Variants in NRXN2 observed in about 807,000 individuals in gnomAD.
NRXN2 encodes the protein neurexin-2-beta.
Under a neutral mutation model 128.8 loss-of-function variants are expected in NRXN2, and 29 were observed. That is an observed-to-expected ratio of 0.23 (90% confidence interval 0.17 to 0.31). NRXN2 has a LOEUF of 0.31. Among genes scored for constraint, NRXN2 ranks in the 10% least tolerant of loss-of-function variants. The probability of loss-of-function intolerance (pLI) is 1.00; values close to 1 mark genes in which losing one functional copy is unlikely to be tolerated. For missense variants in NRXN2, 1,881 were observed against 2,452.6 expected (o/e 0.77, Z 4.92); for synonymous variants, 1,098 against 1,075.2 (o/e 1.02, Z -0.41).
chr11:64,627,588 A>G (rs1384866283), intron 19 of NRXN2, among the ~76,000 whole-genome samples: 1 of 149,482 alleles, frequency 6.7e-6, no homozygotes, highest in African/African-American at 2.5e-5. Flanking sequence ...CTGGATACCC[A>G]CCTGTTCCTC....
chr11:64,627,340 C>A (rs1407597607), intron 19 of NRXN2, among the ~76,000 whole-genome samples: 1 of 151,724 alleles, frequency 6.6e-6, no homozygotes, highest in Non-Finnish European at 1.5e-5. Flanking sequence ...CAGCAGCCCC[C>A]TTCCCCTTCT....
rs547593163 is a variant in NRXN2 at position 64,660,713 on chromosome 11, GAT to G, written c.2185+38_2185+39del. 9.3e-4 allele frequency: 1,490 copies of G among 1,605,280 alleles called. 2 individuals carry two copies. Among genetic ancestry groups the G allele is most frequent in the Non-Finnish European group, 1.2e-3 (1,434 of 1,179,898 alleles). On this transcript the variant is annotated intron_variant, in intron 10 of 22. Transcript: ENST00000265459. This position sits in a 1 kb window ranked among gnomAD's most constrained non-coding sequence, Gnocchi z 5.2. Reference sequence around the variant, plus strand: ...TCACCCTGAGAAGGAGGAGCACAGGGATAGGGAGCAGGGACACCTAGGATGAA... The same window carrying G: ...TCACCCTGAGAAGGAGGAGCACAGGGAGGGAGCAGGGACACCTAGGATGAA...
chr11:64,673,834 T>G (rs1357372007), intron 7 of NRXN2, among the ~76,000 whole-genome samples: 2 of 152,072 alleles, frequency 1.3e-5, no homozygotes, highest in African/African-American at 4.8e-5. Flanking sequence ...AGCTCAGCAG[T>G]TCGAGACCAG....
chr11:64,713,785 C>CGCTCCCCGCGCTGAGCGGG lies in NRXN2; in HGVS notation c.-105_-87dup. 1 of 761,186 alleles carries CGCTCCCCGCGCTGAGCGGG rather than the reference C, an allele frequency of 1.3e-6. No homozygotes were observed. Among genetic ancestry groups the CGCTCCCCGCGCTGAGCGGG allele is most frequent in the East Asian group, 1.2e-4 (1 of 8,490 alleles). The allele number at this position is 761,186 out of a possible 1,614,324, so 47.2% of individuals were successfully genotyped here. ...GCGCATGGGGCGGGAGGGGGCCGGG[C>CGCTCCCCGCGCTGAGCGGG]GCTCCCCGCGCTGAGCGGGGCTCCC... On this transcript the variant is annotated 5_prime_UTR_variant, in exon 2 of 23. Coordinates refer to ENST00000265459, the MANE Select transcript of NRXN2 (RefSeq NM_015080.4).
chr11:64,699,554 C>T (rs1249661390), intron 2 of NRXN2, among the ~76,000 whole-genome samples: 1 of 151,478 alleles, frequency 6.6e-6, no homozygotes, highest in African/African-American at 2.4e-5. Flanking sequence ...CCTCAGCCTC[C>T]GGCATGCGCT....
In NRXN2 at chr11:64,653,607, T is replaced by C. The variant is rs2047803427; in HGVS notation, c.2416+89A>G. ...CCCATTCGAGCCAGCAATCACGGCT[T>C]CTCTTCCTCCCAGCCTCCCTCCCTA... On this transcript the variant is annotated intron_variant, in intron 12 of 22. Coordinates refer to ENST00000265459, the MANE Select transcript of NRXN2 (RefSeq NM_015080.4). 8 of 1,307,316 alleles carry C rather than the reference T, an allele frequency of 6.1e-6. No homozygotes were observed. The East Asian group carries it at 1.9e-4, about 32-fold the overall frequency. The allele number at this position is 1,307,316 out of a possible 1,614,324, so 81.0% of individuals were successfully genotyped here.
intron 2 of NRXN2, among the ~76,000 whole-genome samples, chr11:64,702,991 A>AAAAG (rs1284159866): frequency 4.0e-5 from 6 of 149,998 alleles, no homozygotes; most frequent in Admixed American, 1.3e-4. Context: ...AAAAAAAAAA[A>AAAAG]AAAGAAAGAA....
chr11:64,648,168 G>C lies in NRXN2; in HGVS notation c.3403+51C>G. 6.2e-7 allele frequency: 1 copy of C among 1,613,430 alleles called. No individual in the cohort carries two copies. The highest frequency in any genetic ancestry group is 8.5e-7 in the Non-Finnish European group (1 of 1,179,804). On this transcript the variant is annotated intron_variant, in intron 17 of 22. Transcript: ENST00000265459. This position sits in a 1 kb window ranked among gnomAD's most constrained non-coding sequence, Gnocchi z 4.1. The stretch of plus-strand genomic sequence containing the variant: ...TCCTCCCTGGCAGCCCCTATGGCTG[G>C]GAATGGACCCTGGTCTCCCCAAACT...
chr11:64,645,521 G>A (rs887805640), intron 17 of NRXN2, among the ~76,000 whole-genome samples: 4 of 151,980 alleles, frequency 2.6e-5, no homozygotes, highest in Admixed American at 1.3e-4. Flanking sequence ...GGAACACCTC[G>A]GTCCCAAATC....
chr11:64,678,491 C>G (rs192145482), intron 6 of NRXN2, among the ~76,000 whole-genome samples: 35 of 152,174 alleles, frequency 2.3e-4, no homozygotes, highest in Admixed American at 1.7e-3. Context: ...CTCCACTTCC[C>G]ACAGCCAGCA....
At chr11:64,617,886 A>T (rs956855376) in intron 22 of NRXN2, among the ~76,000 whole-genome samples, 1 of 152,210 alleles carries the variant, frequency 6.6e-6, no homozygotes, top group Non-Finnish European at 1.5e-5. Flanking sequence ...TGTGCGATGC[A>T]GGCTTAGGGG....
rs2047088281 is a variant in NRXN2, at chr11:64,648,943, C to T, written c.3110-36G>A. On this transcript the variant is annotated intron_variant, in intron 15 of 22. Transcript: ENST00000265459. The surrounding 1 kb of genome is among the most constrained non-coding windows in gnomAD (Gnocchi z 4.1). ...AGTGGGTCAACCAAGGCATCCAGGT[C>T]CCCATTCCCATCCCAAGACAATGGC... The T allele has an allele frequency of 1.9e-6, 3 of 1,610,080 alleles. No individual in the cohort carries two copies. The highest frequency in any genetic ancestry group is 2.2e-5 in the East Asian group (1 of 44,856).
intron 2 of NRXN2, among the ~76,000 whole-genome samples, chr11:64,708,838 C>A (rs557307033): frequency 9.3e-4 from 141 of 152,286 alleles, no homozygotes; most frequent in Non-Finnish European, 1.8e-3. Flanking sequence ...TTTATACTCA[C>A]ACTAAACAGA....
intron 22 of NRXN2, among the ~76,000 whole-genome samples, chr11:64,614,897 C>A (rs1376301961): frequency 2.0e-5 from 3 of 152,220 alleles, no homozygotes; most frequent in Non-Finnish European, 4.4e-5. Context: ...GAGATGAATG[C>A]CCTAGCTGGT....
intron 2 of NRXN2, among the ~76,000 whole-genome samples, chr11:64,702,236 G>T (rs1270847677): frequency 6.6e-6 from 1 of 151,814 alleles, no homozygotes; most frequent in African/African-American, 2.4e-5. Flanking sequence ...GGGCGCCTCT[G>T]CCCGGCCGCC....
intron 11 of NRXN2, among the ~76,000 whole-genome samples, chr11:64,654,976 G>A (rs939695159): frequency 2.0e-5 from 3 of 152,236 alleles, no homozygotes; most frequent in Non-Finnish European, 4.4e-5. Context: ...TAGACACTGG[G>A]TTGGCTTTGC....
intron 7 of NRXN2, 25 bp downstream of exon 7, chr11:64,676,968 G>A: frequency 6.2e-7 from 1 of 1,607,788 alleles, no homozygotes; most frequent in African/African-American, 1.3e-5. Flanking sequence ...AAACCAAACG[G>A]TAAGACAATT....
chr11:64,658,710 G>A (rs1261402685), intron 11 of NRXN2, among the ~76,000 whole-genome samples: 1 of 152,360 alleles, frequency 6.6e-6, no homozygotes, highest in Non-Finnish European at 1.5e-5. Context: ...ATGTTAGGAT[G>A]AGACTCCAGA....
chr11:64,671,941 C>G (rs1276967192), intron 7 of NRXN2, among the ~76,000 whole-genome samples: 1 of 152,074 alleles, frequency 6.6e-6, no homozygotes, highest in Non-Finnish European at 1.5e-5. Flanking sequence ...GCAGTGGGAC[C>G]TTCCAGCTCT....
Sources: gnomAD v4.1 joint callset for allele counts (sites outside exome capture counted in the v4.1 genomes callset) on GRCh38, gnomAD v4.1.1 for gene constraint, Gnocchi (gnomAD v3.1) non-coding constraint, MANE v1.5 for transcripts, NCBI Gene and HGNC (gene_info 2026-07-23, HGNC 2026-07-21) for gene names.